CTNNA3: variants seen among roughly 807,000 people sequenced by gnomAD.
CTNNA3 encodes the protein catenin alpha 3.
Under a neutral mutation model 95.7 loss-of-function variants are expected in CTNNA3, and 76 were observed. That is an observed-to-expected ratio of 0.79 (90% CI 0.66 to 0.96). The LOEUF (loss-of-function observed/expected upper bound fraction) is 0.96, where lower values mean the gene tolerates loss of function less well. CTNNA3 is among the 40% of genes least tolerant of loss of function. CTNNA3 has a pLI of 0.00. For synonymous variants in CTNNA3, 431 were observed against 374.4 expected, an observed-to-expected ratio of 1.15 and a Z score of -1.74; for missense variants, 1,191 against 1,089.8, an observed-to-expected ratio of 1.09 and a Z score of -1.31.
chr10:66,447,448 A>C (rs2093431164), intron 11 of CTNNA3, among the ~76,000 whole-genome samples: 2 of 133,074 alleles, frequency 1.5e-5, no homozygotes, highest in Non-Finnish European at 3.2e-5. Context: ...CAGTAACCAA[A>C]ACAGCATGGT....
chr10:67,248,559 G>A (rs933326624), intron 5 of CTNNA3, among the ~76,000 whole-genome samples: 5 of 152,018 alleles, frequency 3.3e-5, no homozygotes, highest in African/African-American at 1.2e-4. Flanking sequence ...GGGACTACAG[G>A]CATACACCAC....
intron 13 of CTNNA3, among the ~76,000 whole-genome samples, chr10:66,204,160 A>G (rs2087610855): frequency 6.6e-6 from 1 of 152,184 alleles, no homozygotes; most frequent in African/African-American, 2.4e-5. Flanking sequence ...TGTTTTAAAT[A>G]AAAGAATGAA....
chr10:66,822,931 C>G (rs1463392648), intron 7 of CTNNA3, among the ~76,000 whole-genome samples: 1 of 152,146 alleles, frequency 6.6e-6, no homozygotes, highest in Non-Finnish European at 1.5e-5. Context: ...CACAGGCCAG[C>G]ACAAAGAAAG....
At chr10:66,048,960 T>A (rs553603808) in intron 15 of CTNNA3, among the ~76,000 whole-genome samples, 16 of 134,308 alleles carry the variant, frequency 1.2e-4, no homozygotes, top group Non-Finnish European at 2.1e-4. Context: ...AAAATTAAGA[T>A]ATTCTACACA....
intron 9 of CTNNA3, among the ~76,000 whole-genome samples, chr10:66,695,918 G>C (rs372486313): frequency 7.0e-6 from 1 of 141,884 alleles, no homozygotes; most frequent in South Asian, 2.5e-4. Context: ...GAGACGTAAG[G>C]GGGGGGGGCA....
intron 15 of CTNNA3, among the ~76,000 whole-genome samples, chr10:66,020,270 C>A (rs1427799283): frequency 6.6e-6 from 1 of 152,138 alleles, no homozygotes; most frequent in Admixed American, 6.5e-5. Context: ...TAGACTTGAG[C>A]TGAAGAAAGT....
At chr10:67,452,199 T>C (rs553880904) in intron 5 of CTNNA3, among the ~76,000 whole-genome samples, 1 of 152,238 alleles carries the variant, frequency 6.6e-6, no homozygotes, top group South Asian at 2.1e-4. Flanking sequence ...CTAGGCATTA[T>C]AGATGCATTT....
At chr10:67,442,682 G>C (rs1256189473) in intron 5 of CTNNA3, among the ~76,000 whole-genome samples, 1 of 152,014 alleles carries the variant, frequency 6.6e-6, no homozygotes, top group African/African-American at 2.4e-5. Flanking sequence ...TATAAAAATT[G>C]TAAATATATA....
intron 3 of CTNNA3, among the ~76,000 whole-genome samples, chr10:67,593,328 T>C (rs1842840675): frequency 6.6e-6 from 1 of 152,082 alleles, no homozygotes; most frequent in African/African-American, 2.4e-5. Flanking sequence ...CTTTTGGATA[T>C]ATATGTAAAT....
At chr10:66,510,770 C>T (rs1042741826) in intron 11 of CTNNA3, among the ~76,000 whole-genome samples, 52 of 151,766 alleles carry the variant, frequency 3.4e-4, no homozygotes, top group African/African-American at 1.0e-3. Flanking sequence ...ATGTTTTTGA[C>T]GTGCTGTTGG....
In CTNNA3 at chr10:66,342,908, A is replaced by C. The variant is rs1276187103; in HGVS notation, c.1732+36244T>G. 8.5e-5 allele frequency among the ~76,000 whole-genome samples: 13 copies of C among 152,100 alleles called. No individual in the cohort carries two copies. In the East Asian group the frequency reaches 2.5e-3, roughly 29 times the overall value. ...TATTTGGAATATTTGCTGATTGAAA[A>C]CTATGTGCAAAGGGCAGTAAGAATC... On this transcript the variant is annotated intron_variant, in intron 12 of 17. Transcript: ENST00000433211.
At chr10:67,406,080 T>A (rs756065487) in intron 5 of CTNNA3, among the ~76,000 whole-genome samples, 1 of 152,152 alleles carries the variant, frequency 6.6e-6, no homozygotes, top group Non-Finnish European at 1.5e-5. Context: ...GCTGATGGTT[T>A]TATAAGAATC....
intron 15 of CTNNA3, among the ~76,000 whole-genome samples, chr10:66,040,619 T>A (rs2616659): frequency 6.6e-6 from 1 of 151,994 alleles, no homozygotes; most frequent in Admixed American, 6.6e-5. Flanking sequence ...GCAAACTCAT[T>A]CAGAAACAGA....
At chr10:66,550,226 T>C (rs1842172918) in intron 10 of CTNNA3, among the ~76,000 whole-genome samples, 1 of 152,182 alleles carries the variant, frequency 6.6e-6, no homozygotes. Context: ...GAAGTCTACT[T>C]TAACTGATAA....
At chr10:66,806,168 G>A (rs1187899708) in intron 7 of CTNNA3, among the ~76,000 whole-genome samples, 5 of 151,704 alleles carry the variant, frequency 3.3e-5, no homozygotes, top group Admixed American at 6.6e-5. Flanking sequence ...AGAGAGAAGG[G>A]AAATTTAAAA....
intron 9 of CTNNA3, among the ~76,000 whole-genome samples, chr10:66,715,149 T>C (rs1200185991): frequency 6.6e-6 from 1 of 152,098 alleles, no homozygotes. Flanking sequence ...CTAATTTCAA[T>C]AACTTACTTA....
intron 10 of CTNNA3, among the ~76,000 whole-genome samples, chr10:66,555,781 C>T (rs757865168): frequency 6.6e-6 from 1 of 151,958 alleles, no homozygotes; most frequent in Non-Finnish European, 1.5e-5. Flanking sequence ...CCAAAAATTA[C>T]ATCAAGAAGC....
intron 13 of CTNNA3, among the ~76,000 whole-genome samples, chr10:66,255,515 ACTT>A (rs1445753527): frequency 6.6e-6 from 1 of 152,154 alleles, no homozygotes; most frequent in African/African-American, 2.4e-5. Context: ...CTTCCAAAGA[ACTT>A]CTTCTCTACC....
At chr10:67,057,421 T>A (rs987055766) in intron 7 of CTNNA3, among the ~76,000 whole-genome samples, 4 of 152,054 alleles carry the variant, frequency 2.6e-5, no homozygotes, top group Non-Finnish European at 5.9e-5. Flanking sequence ...ATCTCTCCAT[T>A]TCTCTCACTC....
Sources: gnomAD v4.1 joint callset for allele counts (sites outside exome capture counted in the v4.1 genomes callset) on GRCh38, gnomAD v4.1.1 for gene constraint, MANE v1.5 for transcripts, NCBI Gene and HGNC (gene_info 2026-07-23, HGNC 2026-07-21) for gene names.